ITSN1: variants seen among roughly 807,000 people sequenced by gnomAD.
ITSN1 encodes intersectin-1.
ITSN1 carries 58 observed loss-of-function variants against 239.8 expected under a neutral mutation model. That is an observed-to-expected ratio of 0.24 (90% confidence interval 0.20 to 0.30). The LOEUF is 0.30. Ranked by LOEUF, ITSN1 falls within the 10% of genes least tolerant of loss-of-function variation. The pLI, the probability that ITSN1 is intolerant of heterozygous loss-of-function variation, is 1.00. For missense variants in ITSN1, 1,558 were observed against 2,103.3 expected (o/e 0.74, Z 5.07); for synonymous variants, 780 against 770.8 (o/e 1.01, Z -0.20).
At chr21:33,861,029 CT>C (rs1980423594) in intron 31 of ITSN1, among the ~76,000 whole-genome samples, 1 of 152,226 alleles carries the variant, frequency 6.6e-6, no homozygotes, top group African/African-American at 2.4e-5. Flanking sequence ...TTTGGACTAA[CT>C]GGCTCATGTC....
In ITSN1 at chr21:33,896,073, C is replaced by A. The variant is rs74609750; in HGVS notation, c.*7773C>A. 0.081 allele frequency: 12,410 copies of A among 152,368 alleles called. 733 individuals carry two copies. The highest frequency in any genetic ancestry group is 0.23 in the East Asian group (1,215 of 5,182). The allele number at this position is 152,368 out of a possible 1,614,324, so 9.4% of individuals were successfully genotyped here. A position where few individuals can be genotyped will look rare whatever the true frequency, so the allele number is the denominator to read the frequency against. On this transcript the variant is annotated 3_prime_UTR_variant, in exon 40 of 40. Coordinates refer to ENST00000381318, the MANE Select transcript of ITSN1 (RefSeq NM_003024.3). ...AGGTCTTCTTACTTTGAAAGGTCTCCCGGCAGGCTGTGGCAAGCTGCGCGG... is the reference window on the plus strand; with the variant it reads ...AGGTCTTCTTACTTTGAAAGGTCTCACGGCAGGCTGTGGCAAGCTGCGCGG...
intron 5 of ITSN1, among the ~76,000 whole-genome samples, chr21:33,743,625 A>C (rs185073763): frequency 4.1e-4 from 62 of 152,356 alleles, no homozygotes; most frequent in Middle Eastern, 6.8e-3. Flanking sequence ...ATTCAAGACA[A>C]CTTTCTTAAA....
At chr21:33,840,819 CTG>C (rs2074797323) in intron 29 of ITSN1, among the ~76,000 whole-genome samples, 1 of 152,226 alleles carries the variant, frequency 6.6e-6, no homozygotes, top group Non-Finnish European at 1.5e-5. Flanking sequence ...GTTTTTTAAA[CTG>C]ATTATTAAAT....
chr21:33,718,097 C>G (rs924926371), intron 1 of ITSN1, among the ~76,000 whole-genome samples: 2 of 152,104 alleles, frequency 1.3e-5, no homozygotes, highest in Admixed American at 1.3e-4. Context: ...AATCACGTAC[C>G]CTTTCTGATT....
At chr21:33,844,774 T>TCCTCCTCTCAGG (rs2074937653) in intron 29 of ITSN1, among the ~76,000 whole-genome samples, 1 of 151,964 alleles carries the variant, frequency 6.6e-6, no homozygotes, top group African/African-American at 2.4e-5. Flanking sequence ...TCTGGAGTGT[T>TCCTCCTCTCAGG]ACCTTGGAGT....
chr21:33,740,713 T>A (rs1250847678), intron 5 of ITSN1, among the ~76,000 whole-genome samples: 1 of 152,140 alleles, frequency 6.6e-6, no homozygotes, highest in Non-Finnish European at 1.5e-5. Flanking sequence ...AGAAAGTCAT[T>A]CATTCAGAAA....
intron 1 of ITSN1, among the ~76,000 whole-genome samples, chr21:33,645,460 G>C (rs959951388): frequency 5.3e-5 from 8 of 151,758 alleles, no homozygotes; most frequent in African/African-American, 1.9e-4. Flanking sequence ...GGGCAACACA[G>C]GGAAACCTGG....
At chr21:33,851,100 A>C (rs578017171) in intron 29 of ITSN1, among the ~76,000 whole-genome samples, 1 of 152,216 alleles carries the variant, frequency 6.6e-6, no homozygotes, top group East Asian at 1.9e-4. Context: ...GTCCTTCCAC[A>C]TGTTGTTTCT....
At chr21:33,819,058 G>A (rs2073478043) in intron 23 of ITSN1, among the ~76,000 whole-genome samples, 183 bp from the exon 24 acceptor site, 2 of 149,228 alleles carry the variant, frequency 1.3e-5, no homozygotes, top group South Asian at 2.2e-4. Flanking sequence ...ATAAGAATGC[G>A]AGCTTAGAGT....
chr21:33,797,567 A>G lies in ITSN1; in HGVS notation c.2141A>G (p.Glu714Gly). The change falls in exon 18 of 40, where the codon GAA becomes GGA. Residue 714 changes from glutamate (E) to glycine (G), a missense_variant. Glu to Gly is a moderately conservative substitution (Grantham distance 98). Around this residue, in one of 2 missense-constraint regions of ITSN1, gnomAD observed 982 missense variants for 1,209.9 expected, o/e 0.81. Transcript: ENST00000381318. This position sits in a 1 kb window ranked among gnomAD's most constrained non-coding sequence, Gnocchi z 4.9. ...KLGRLFHQHQ[E>G]PAKPAVQAPW... is the part of the protein sequence containing the mutation. Reference sequence around the variant, plus strand: ...GGTCGGCTTTTCCATCAACACCAAGAACCAGCTAAGCCAGCTGTCCAGGCA... The same window carrying G: ...GGTCGGCTTTTCCATCAACACCAAGGACCAGCTAAGCCAGCTGTCCAGGCA... 6.2e-7 allele frequency: 1 copy of G among 1,614,070 alleles called. No individual in the cohort carries two copies. Among genetic ancestry groups the G allele is most frequent in the South Asian group, 1.1e-5 (1 of 91,076 alleles).
chr21:33,711,880 T>C (rs1316659351), intron 1 of ITSN1, among the ~76,000 whole-genome samples: 1 of 152,186 alleles, frequency 6.6e-6, no homozygotes, highest in East Asian at 1.9e-4. Flanking sequence ...TACTACACAG[T>C]GTTACAGTAT....
At chr21:33,806,147 C>T (rs891187961) in intron 20 of ITSN1, among the ~76,000 whole-genome samples, 3 of 151,088 alleles carry the variant, frequency 2.0e-5, no homozygotes, top group Non-Finnish European at 4.4e-5. Flanking sequence ...GGAGGCGGAG[C>T]TTGCAGTGAG....
chr21:33,657,035 T>C (rs891804373), intron 1 of ITSN1, among the ~76,000 whole-genome samples: 1 of 152,188 alleles, frequency 6.6e-6, no homozygotes, highest in Non-Finnish European at 1.5e-5. Context: ...TTAATTTTTT[T>C]ATTTTAATTT....
chr21:33,867,905 C>T (rs1045771132), intron 33 of ITSN1, among the ~76,000 whole-genome samples: 3 of 152,036 alleles, frequency 2.0e-5, no homozygotes, highest in East Asian at 3.9e-4. Context: ...TGGAGTTGTT[C>T]GTTCCTCCCG....
Position 33,889,983 on chromosome 21 carries a change from A to G in ITSN1, c.*1683A>G, listed in dbSNP as rs369593001. 1.2e-4 allele frequency: 19 copies of G among 152,372 alleles called. No homozygotes were observed. The highest frequency in any genetic ancestry group is 8.3e-4 in the South Asian group (4 of 4,832). 9.4% of individuals were successfully genotyped at this position (152,372 alleles called of 1,614,324 possible). A position where few individuals can be genotyped will look rare whatever the true frequency, so the allele number is the denominator to read the frequency against. On this transcript the variant is annotated 3_prime_UTR_variant, in exon 40 of 40. Coordinates refer to ENST00000381318, the MANE Select transcript of ITSN1 (RefSeq NM_003024.3). ...GAATTTTGTATCAAGAACAACAGAC[A>G]TAAGTATTTTTTGAAACAAGCAAAT...
intron 16 of ITSN1, among the ~76,000 whole-genome samples, chr21:33,785,481 A>G (rs967373287): frequency 2.6e-5 from 4 of 152,198 alleles, no homozygotes; most frequent in Admixed American, 6.5e-5. Context: ...TTAACATACA[A>G]TCTGATTTAG....
At chr21:33,875,563 G>GCCT in intron 34 of ITSN1, 42 bp downstream of exon 34, 1 of 1,584,328 alleles carries the variant, frequency 6.3e-7, no homozygotes, top group South Asian at 1.1e-5. Context: ...CCCCGGCAGA[G>GCCT]CCTCGCCTGC....
At chr21:33,679,966 G>A (rs1370600487) in intron 1 of ITSN1, among the ~76,000 whole-genome samples, 2 of 152,106 alleles carry the variant, frequency 1.3e-5, no homozygotes, top group African/African-American at 4.8e-5. Flanking sequence ...CCAAAGTGCT[G>A]GGATTACAGG....
At chr21:33,868,786 G>A (rs892012072) in intron 33 of ITSN1, among the ~76,000 whole-genome samples, 1 of 152,186 alleles carries the variant, frequency 6.6e-6, no homozygotes, top group Non-Finnish European at 1.5e-5. Context: ...GTGGGCTGAA[G>A]GGCTCCTCAA....
Sources: gnomAD v4.1 joint callset for allele counts (sites outside exome capture counted in the v4.1 genomes callset) on GRCh38, gnomAD v4.1.1 for gene constraint, gnomAD v4.1.1 regional missense constraint, Gnocchi (gnomAD v3.1) non-coding constraint, MANE v1.5 for transcripts, NCBI Gene and HGNC (gene_info 2026-07-23, HGNC 2026-07-21) for gene names.